EML4: variants seen among roughly 807,000 people sequenced by gnomAD.
EML4 encodes the protein EMAP like 4, also known as echinoderm microtubule-associated protein-like 4.
A neutral mutation model predicts 129.0 loss-of-function variants in EML4; 72 were observed. The observed-to-expected ratio is 0.56, with a 90% CI of 0.46 to 0.68. EML4 has a LOEUF of 0.68. Ranked by LOEUF, EML4 falls within the 30% of genes least tolerant of loss-of-function variation. The probability of loss-of-function intolerance (pLI) is 0.00; values close to 1 mark genes in which losing one functional copy is unlikely to be tolerated. For synonymous variants in EML4, 532 were observed against 405.0 expected (o/e 1.31, Z -3.77); for missense variants, 1,363 against 1,190.6 (o/e 1.14, Z -2.13).
At chr2:42,200,338 T>A (rs1475741469) in intron 1 of EML4, among the ~76,000 whole-genome samples, 1 of 151,880 alleles carries the variant, frequency 6.6e-6, no homozygotes. Context: ...AAAAGAGGAA[T>A]ATCAGCACTG....
chr2:42,220,703 T>C (rs888641386), intron 1 of EML4, among the ~76,000 whole-genome samples: 17 of 152,186 alleles, frequency 1.1e-4, no homozygotes, highest in African/African-American at 3.9e-4. Context: ...GAAGAAGGCA[T>C]GTCAAAAGCT....
intron 1 of EML4, among the ~76,000 whole-genome samples, chr2:42,172,537 G>C (rs1405130659): frequency 6.6e-6 from 1 of 152,166 alleles, no homozygotes; most frequent in Non-Finnish European, 1.5e-5. Context: ...CTCCGCAGCT[G>C]ATGAATTTCA....
In EML4 at chr2:42,295,203, A is replaced by G. The variant is rs1225437071; in HGVS notation, c.1297A>G (p.Ile433Val). 1 of 1,613,242 alleles carries G rather than the reference A, an allele frequency of 6.2e-7. No homozygotes were observed. The highest frequency in any genetic ancestry group is 8.5e-7 in the Non-Finnish European group (1 of 1,179,844). Residue 433 changes from isoleucine (I) to valine (V), a missense_variant, in exon 12 of 23, where the codon ATT becomes GTT. Ile to Val is a conservative substitution (Grantham distance 29). Transcript: ENST00000318522. ...NTIITCGKSHIFFWTWSGNSL... is the reference protein window; with the variant it reads ...NTIITCGKSHVFFWTWSGNSL... The stretch of plus-strand genomic sequence containing the variant: ...CATAATTACATGCGGTAAATCTCAT[A>G]TTTTCTTCTGGACCTGGAGCGGCAA...
rs539054922 is a variant in EML4 at position 42,313,123 on chromosome 2, T to C, written c.1968-2839T>C. Among the ~76,000 whole-genome samples, 77 of 151,474 alleles carry C rather than the reference T, an allele frequency of 5.1e-4. 1 individual carries two copies. Among genetic ancestry groups the C allele is most frequent in the South Asian group, 1.0e-3 (5 of 4,778 alleles). ...GCTACCATGCCTGGCTAATTTTTTATATTCTTAGTAGAGATGGGGTTTCAC... is the reference window on the plus strand; with the variant it reads ...GCTACCATGCCTGGCTAATTTTTTACATTCTTAGTAGAGATGGGGTTTCAC... On this transcript the variant is annotated intron_variant, in intron 17 of 22. Transcript: ENST00000318522.
chr2:42,259,209 T>C (rs546263322), intron 3 of EML4, among the ~76,000 whole-genome samples: 1 of 150,136 alleles, frequency 6.7e-6, no homozygotes, highest in African/African-American at 2.5e-5. Context: ...ATCATACCAC[T>C]GCACTCCAGC....
At chr2:42,240,471 A>C (rs1674951908) in intron 1 of EML4, among the ~76,000 whole-genome samples, 1 of 152,062 alleles carries the variant, frequency 6.6e-6, no homozygotes, top group Non-Finnish European at 1.5e-5. Context: ...ATTTTTTAAA[A>C]GTGTGTTTTG....
intron 19 of EML4, among the ~76,000 whole-genome samples, chr2:42,318,180 GA>G (rs1374990872): frequency 6.6e-6 from 1 of 152,220 alleles, no homozygotes; most frequent in Non-Finnish European, 1.5e-5. Context: ...GCCAGGAAGA[GA>G]AAGGTAGGCA....
chr2:42,283,959 T>C (rs1667151719), intron 8 of EML4, among the ~76,000 whole-genome samples: 1 of 152,230 alleles, frequency 6.6e-6, no homozygotes, highest in Admixed American at 6.5e-5. Flanking sequence ...CAACCGTTGT[T>C]GAAAGAGTCT....
intron 1 of EML4, among the ~76,000 whole-genome samples, chr2:42,189,946 A>G (rs993162292): frequency 2.6e-5 from 4 of 152,242 alleles, no homozygotes; most frequent in Admixed American, 2.6e-4. Flanking sequence ...TACGAAGTCA[A>G]AATTCCCAAT....
At chr2:42,183,069 T>G (rs1671041670) in intron 1 of EML4, among the ~76,000 whole-genome samples, 1 of 152,132 alleles carries the variant, frequency 6.6e-6, no homozygotes, top group Non-Finnish European at 1.5e-5. Flanking sequence ...GTGGGGAGAT[T>G]GCTTGAGCCT....
At chr2:42,275,773 G>A (rs1318759906) in intron 6 of EML4, among the ~76,000 whole-genome samples, 1 of 152,142 alleles carries the variant, frequency 6.6e-6, no homozygotes, top group African/African-American at 2.4e-5. Context: ...GAGATAAAAT[G>A]TTGAGTCTGG....
intron 1 of EML4, among the ~76,000 whole-genome samples, chr2:42,222,848 G>T (rs929279561): frequency 2.0e-5 from 3 of 152,062 alleles, no homozygotes; most frequent in Admixed American, 6.6e-5. Flanking sequence ...GCCTAGGCTG[G>T]AGTGCAATGG....
At chr2:42,329,522 T>G (rs1380133119) in intron 22 of EML4, among the ~76,000 whole-genome samples, 2 of 152,148 alleles carry the variant, frequency 1.3e-5, no homozygotes, top group Non-Finnish European at 2.9e-5. Context: ...TACAGAGATG[T>G]CCAATTCTTC....
intron 2 of EML4, among the ~76,000 whole-genome samples, chr2:42,248,858 A>T (rs968600394): frequency 6.6e-6 from 1 of 152,194 alleles, no homozygotes; most frequent in Admixed American, 6.5e-5. Context: ...TAATTATTTC[A>T]TAGATGAGCA....
intron 1 of EML4, among the ~76,000 whole-genome samples, chr2:42,223,443 G>C (rs1403103501): frequency 6.6e-6 from 1 of 152,136 alleles, no homozygotes; most frequent in East Asian, 1.9e-4. Context: ...ATTTGAACCT[G>C]TAAAGACATG....
intron 1 of EML4, among the ~76,000 whole-genome samples, chr2:42,210,455 GA>G (rs1672825526): frequency 6.6e-6 from 1 of 152,180 alleles, no homozygotes; most frequent in African/African-American, 2.4e-5. Flanking sequence ...TCACTTCACT[GA>G]GGTACTGTTT....
At chr2:42,199,244 A>G (rs1313648474) in intron 1 of EML4, among the ~76,000 whole-genome samples, 4 of 152,226 alleles carry the variant, frequency 2.6e-5, no homozygotes, top group Admixed American at 6.5e-5. Flanking sequence ...GAGTGGTTAT[A>G]GAGGTGGATT....
chr2:42,300,133 A>C (rs1668199550), intron 13 of EML4, among the ~76,000 whole-genome samples: 1 of 152,238 alleles, frequency 6.6e-6, no homozygotes, highest in Non-Finnish European at 1.5e-5. Context: ...AGTTTTAGAA[A>C]ATGAATAGTT....
chr2:42,209,789 C>T (rs1032519519), intron 1 of EML4, among the ~76,000 whole-genome samples: 2 of 152,000 alleles, frequency 1.3e-5, no homozygotes, highest in East Asian at 1.9e-4. Context: ...ATTAGCTGGG[C>T]ATAGCGACGA....
Sources: gnomAD v4.1 joint callset for allele counts (sites outside exome capture counted in the v4.1 genomes callset) on GRCh38, gnomAD v4.1.1 for gene constraint, MANE v1.5 for transcripts, NCBI Gene and HGNC (gene_info 2026-07-23, HGNC 2026-07-21) for gene names.